The following SNX29 variants were observed in gnomAD, a reference collection of about 807,000 sequenced individuals.
SNX29 encodes the protein sorting nexin-29.
Under a neutral mutation model 102.1 loss-of-function variants are expected in SNX29, and 78 were observed. The ratio of observed to expected loss-of-function variants is 0.76; its 90% CI spans 0.64 to 0.92. SNX29 has a LOEUF of 0.92. Among genes scored for constraint, SNX29 ranks in the 40% least tolerant of loss-of-function variants. The pLI is 0.00. For missense variants in SNX29, 1,280 were observed against 1,061.7 expected (o/e 1.21, Z -2.86); for synonymous variants, 580 against 414.5 (o/e 1.40, Z -4.85).
intron 15 of SNX29, among the ~76,000 whole-genome samples, chr16:12,291,297 A>G (rs1414403725): frequency 6.6e-6 from 1 of 152,238 alleles, no homozygotes; most frequent in Non-Finnish European, 1.5e-5. Flanking sequence ...GCAGAAGGCA[A>G]GGAGGAGCAA....
intron 13 of SNX29, among the ~76,000 whole-genome samples, chr16:12,165,006 C>G (rs1038373641): frequency 1.3e-5 from 2 of 152,108 alleles, no homozygotes; most frequent in Admixed American, 1.3e-4. Flanking sequence ...GCCTTTTTGA[C>G]TCACTTCTCC....
chr16:12,563,366 G>C (rs997221731), intron 20 of SNX29, among the ~76,000 whole-genome samples: 7 of 152,150 alleles, frequency 4.6e-5, no homozygotes, highest in Non-Finnish European at 5.9e-5. Flanking sequence ...GTCTTTTATC[G>C]CCACGTTGAT....
rs2079161577 is a variant in SNX29 at position 12,570,386 on chromosome 16, C to G, written c.*1757C>G. 2.5e-6 allele frequency: 1 copy of G among 396,018 alleles called. No homozygotes were observed. Among genetic ancestry groups the G allele is most frequent in the East Asian group, 5.8e-5 (1 of 17,198 alleles). The allele number at this position is 396,018 out of a possible 1,614,324, so 24.5% of individuals were successfully genotyped here. ...CAATACACATGGTTTATCTGAAATT[C>G]CAAGGCCAGAGTGCACATCAGCTCA... On this transcript the variant is annotated 3_prime_UTR_variant, in exon 21 of 21. Coordinates refer to ENST00000566228, the MANE Select transcript of SNX29 (RefSeq NM_032167.5).
Position 12,477,865 on chromosome 16 carries a change from A to G in SNX29, c.2178+6A>G, listed in dbSNP as rs1310463517. ...AAAAGGCCATTGGAAACAAGGTACC[A>G]TCCCGTGCTGGGAAGCCCACTTGTC... On this transcript the variant is annotated splice_donor_region_variant and intron_variant, in intron 19 of 20. Coordinates refer to ENST00000566228, the MANE Select transcript of SNX29 (RefSeq NM_032167.5). 2.5e-6 allele frequency: 4 copies of G among 1,592,034 alleles called. No individual in the cohort carries two copies. The African/African-American group carries it at 5.4e-5, about 22-fold the overall frequency.
At chr16:12,163,298 G>A (rs754411030) in intron 13 of SNX29, among the ~76,000 whole-genome samples, 2 of 152,166 alleles carry the variant, frequency 1.3e-5, no homozygotes, top group East Asian at 1.9e-4. Context: ...CTGGAGCTGC[G>A]TCTGGAAGGC....
chr16:12,417,274 T>C (rs77743289), intron 18 of SNX29, among the ~76,000 whole-genome samples: 2,373 of 152,386 alleles, frequency 0.016, 46 homozygotes, highest in African/African-American at 0.038. Context: ...CTTGGCACAC[T>C]GGGCTTCCTG....
chr16:12,284,182 C>T (rs1357470998), intron 15 of SNX29, among the ~76,000 whole-genome samples: 3 of 152,246 alleles, frequency 2.0e-5, no homozygotes, highest in African/African-American at 4.8e-5. Flanking sequence ...ATCACTTTGT[C>T]GCTGCCTTCT....
At chr16:12,381,997 T>A (rs2151434033) in intron 16 of SNX29, among the ~76,000 whole-genome samples, 1 of 151,904 alleles carries the variant, frequency 6.6e-6, no homozygotes, top group East Asian at 2.0e-4. Context: ...AAATGATTTG[T>A]ACCTAAAGTC....
intron 10 of SNX29, among the ~76,000 whole-genome samples, chr16:12,077,813 G>A (rs900383370): frequency 6.6e-6 from 1 of 151,950 alleles, no homozygotes; most frequent in African/African-American, 2.4e-5. Flanking sequence ...TAGAGAAGGG[G>A]TTTTGCCATG....
chr16:12,125,656 C>T (rs1017942772), intron 11 of SNX29, among the ~76,000 whole-genome samples: 9 of 113,542 alleles, frequency 7.9e-5, no homozygotes, highest in Non-Finnish European at 1.4e-4. Flanking sequence ...TGAGGTCTCA[C>T]TATGTCGACC....
rs143657257 is a variant in SNX29 at position 11,992,891 on chromosome 16, G to A, written c.8-6406G>A. Among the ~76,000 whole-genome samples, 251 of 152,282 alleles carry A rather than the reference G, an allele frequency of 1.6e-3. 1 individual carries two copies. Among genetic ancestry groups the A allele is most frequent in the Non-Finnish European group, 2.2e-3 (148 of 68,030 alleles). On this transcript the variant is annotated intron_variant, in intron 1 of 20. Transcript: ENST00000566228. ...TTAAATATCTGCAGGGCTGGGCGTG[G>A]GGGCTCACGCCTGCAATCCCAGCAC...
At chr16:12,398,086 G>T (rs1199471197) in intron 16 of SNX29, among the ~76,000 whole-genome samples, 1 of 152,168 alleles carries the variant, frequency 6.6e-6, no homozygotes, top group Non-Finnish European at 1.5e-5. Context: ...GTTCATCATG[G>T]TAACAATGGA....
chr16:12,311,115 G>T (rs559652792), intron 15 of SNX29, among the ~76,000 whole-genome samples: 1 of 152,168 alleles, frequency 6.6e-6, no homozygotes, highest in Non-Finnish European at 1.5e-5. Context: ...TAATCAACTC[G>T]ATAGGGCAGA....
At chr16:12,274,170 G>C (rs558603285) in intron 14 of SNX29, among the ~76,000 whole-genome samples, 2 of 152,306 alleles carry the variant, frequency 1.3e-5, no homozygotes, top group African/African-American at 4.8e-5. Flanking sequence ...TGCCTCTCAC[G>C]TGGCTTGCCT....
chr16:12,385,781 A>G (rs547274150), intron 16 of SNX29, among the ~76,000 whole-genome samples: 12 of 152,362 alleles, frequency 7.9e-5, no homozygotes, highest in African/African-American at 2.2e-4. Context: ...TCCTTTTTCA[A>G]GTAACTCTGT....
At chr16:12,163,327 G>T (rs893210795) in intron 13 of SNX29, among the ~76,000 whole-genome samples, 1 of 152,184 alleles carries the variant, frequency 6.6e-6, no homozygotes, top group Admixed American at 6.5e-5. Flanking sequence ...GGTTTGGCAG[G>T]TGGGTGAGGT....
At chr16:12,123,078 C>T (rs1436909341) in intron 11 of SNX29, among the ~76,000 whole-genome samples, 2 of 152,182 alleles carry the variant, frequency 1.3e-5, no homozygotes, top group African/African-American at 2.4e-5. Flanking sequence ...CTGCCTGCCT[C>T]AGCCTCCAAA....
chr16:12,165,712 C>T (rs535617165), intron 13 of SNX29, among the ~76,000 whole-genome samples: 34 of 152,362 alleles, frequency 2.2e-4, no homozygotes, highest in African/African-American at 6.3e-4. Context: ...AGGCGCACGC[C>T]GCCACCATGC....
chr16:12,470,043 C>T (rs935136878), intron 18 of SNX29, among the ~76,000 whole-genome samples: 24 of 152,100 alleles, frequency 1.6e-4, no homozygotes, highest in African/African-American at 4.8e-4. Context: ...ATAAATAAAT[C>T]GCAGGGCTTT....
Sources: gnomAD v4.1 joint callset for allele counts (sites outside exome capture counted in the v4.1 genomes callset) on GRCh38, gnomAD v4.1.1 for gene constraint, MANE v1.5 for transcripts, NCBI Gene and HGNC (gene_info 2026-07-23, HGNC 2026-07-21) for gene names.